Variants in RYR3 observed in about 807,000 individuals in gnomAD.
RYR3 encodes ryanodine receptor 3.
In RYR3, 207 loss-of-function variants were observed where a neutral mutation model predicts 584.3. The ratio of observed to expected loss-of-function variants is 0.35; its 90% confidence interval spans 0.32 to 0.40. The LOEUF is 0.40. RYR3 is among the 10% of genes least tolerant of loss of function. RYR3 has a pLI of 1.00. For missense variants in RYR3, 5,616 were observed against 6,089.2 expected (o/e 0.92, Z 2.59); for synonymous variants, 2,416 against 2,248.5 (o/e 1.07, Z -2.11).
At chr15:33,792,565 C>T (rs764175437) in intron 67 of RYR3, among the ~76,000 whole-genome samples, 1 of 152,152 alleles carries the variant, frequency 6.6e-6, no homozygotes, top group Non-Finnish European at 1.5e-5. Context: ...TTGAAAGTCT[C>T]TAATGTCATA....
At chr15:33,509,811 C>T (rs992811393) in intron 3 of RYR3, among the ~76,000 whole-genome samples, 1 of 152,136 alleles carries the variant, frequency 6.6e-6, no homozygotes, top group African/African-American at 2.4e-5. Context: ...CTCAGGACCT[C>T]CCCACCCCAG....
intron 1 of RYR3, among the ~76,000 whole-genome samples, chr15:33,452,258 A>C (rs1284395386): frequency 6.6e-6 from 1 of 152,248 alleles, no homozygotes; most frequent in African/African-American, 2.4e-5. Context: ...TCATTGCAGG[A>C]CAGAAACAAG....
At chr15:33,627,028 G>T (rs528930901) in intron 20 of RYR3, among the ~76,000 whole-genome samples, 2 of 152,222 alleles carry the variant, frequency 1.3e-5, no homozygotes, top group South Asian at 4.2e-4. Context: ...TGAGAAGAGG[G>T]CCACCATCCT....
rs1385931948 is a variant in RYR3 at position 33,737,363 on chromosome 15, TC to T, written c.7515+1040del. Among the ~76,000 whole-genome samples the T allele has an allele frequency of 2.0e-5, 3 of 152,292 alleles. No homozygotes were observed. The East Asian group carries it at 5.8e-4, about 29-fold the overall frequency. On this transcript the variant is annotated intron_variant, in intron 49 of 103. Transcript: ENST00000634891. Reference sequence around the variant, plus strand: ...GGTGGGAGGACACCAGAATCAGTCATCCACCCAAGCAGACAGTGTTTTTTAC... The same window carrying T: ...GGTGGGAGGACACCAGAATCAGTCATCACCCAAGCAGACAGTGTTTTTTAC...
intron 1 of RYR3, among the ~76,000 whole-genome samples, chr15:33,338,623 T>C (rs1418699869): frequency 6.6e-6 from 1 of 152,196 alleles, no homozygotes; most frequent in Non-Finnish European, 1.5e-5. Context: ...TAGCTTTTCA[T>C]CTTGTAGCCA....
chr15:33,544,695 A>G (rs1458786496), intron 8 of RYR3, among the ~76,000 whole-genome samples: 1 of 152,104 alleles, frequency 6.6e-6, no homozygotes, highest in East Asian at 1.9e-4. Context: ...CCCATTGGCA[A>G]TGTGTATCCC....
At chr15:33,365,903 C>G (rs1297786953) in intron 1 of RYR3, among the ~76,000 whole-genome samples, 2 of 152,136 alleles carry the variant, frequency 1.3e-5, no homozygotes, top group Non-Finnish European at 1.5e-5. Context: ...AAAGTTATCT[C>G]AGAGTAGTTT....
chr15:33,804,690 T>G (rs2076090848), intron 69 of RYR3, among the ~76,000 whole-genome samples: 1 of 152,248 alleles, frequency 6.6e-6, no homozygotes. Context: ...AACTACATAC[T>G]GAGGGGTTAG....
In RYR3 at chr15:33,748,258, C is replaced by G. The variant is rs1933408860; in HGVS notation, c.8134C>G (p.Gln2712Glu). ...GCTTCGAAGTGTGTCCCAGGCCAAC[C>G]AGGTATGACACCACACCCAGAGGCC... Reference protein sequence around the residue: ...EKLRSVSQANQGNSYSPAPLD... With the variant: ...EKLRSVSQANEGNSYSPAPLD... Residue 2712 changes from glutamine (Q) to glutamate (E), a missense_variant and splice_region_variant, in exon 54 of 104, where the codon CAG becomes GAG. By Grantham distance (29) the Gln-to-Glu change is conservative. Around this residue, in one of 9 missense-constraint regions of RYR3, gnomAD observed 1,280 missense variants for 1,426.2 expected, o/e 0.90. Transcript: ENST00000634891. 6.2e-7 allele frequency: 1 copy of G among 1,613,602 alleles called. No homozygotes were observed. The highest frequency in any genetic ancestry group is 8.5e-7 in the Non-Finnish European group (1 of 1,179,776).
At chr15:33,699,465 T>G (rs1036545364) in intron 40 of RYR3, among the ~76,000 whole-genome samples, 1 of 152,126 alleles carries the variant, frequency 6.6e-6, no homozygotes, top group Non-Finnish European at 1.5e-5. Flanking sequence ...TAGAAGGTCA[T>G]GCAATTTCAC....
chr15:33,347,689 C>T (rs150846886), intron 1 of RYR3, among the ~76,000 whole-genome samples: 23 of 152,192 alleles, frequency 1.5e-4, no homozygotes, highest in East Asian at 1.2e-3. Flanking sequence ...CCTCGTGATC[C>T]GCCCGCCTCA....
intron 1 of RYR3, among the ~76,000 whole-genome samples, chr15:33,392,921 T>C (rs2042090452): frequency 6.6e-6 from 1 of 152,222 alleles, no homozygotes; most frequent in Non-Finnish European, 1.5e-5. Context: ...AAGTATGTTT[T>C]AGGAAGCCTA....
chr15:33,757,574 A>G lies in RYR3; in HGVS notation c.8683A>G (p.Lys2895Glu). 1.2e-6 allele frequency: 2 copies of G among 1,611,052 alleles called. No individual in the cohort carries two copies. Among genetic ancestry groups the G allele is most frequent in the Non-Finnish European group, 1.7e-6 (2 of 1,178,896 alleles). Residue 2895 changes from lysine to glutamate, a missense_variant, in exon 60 of 104, where the codon AAG becomes GAG. Coordinates refer to ENST00000634891, the MANE Select transcript of RYR3 (RefSeq NM_001036.6). Reference sequence around the variant, plus strand: ...TAGCAGCAGCGGATATGCCTCCCATAAGGAGAAAGAAATGGTGGCCGGGTG... The same window carrying G: ...TAGCAGCAGCGGATATGCCTCCCATGAGGAGAAAGAAATGGTGGCCGGGTG... The part of the protein sequence containing the change: ...PLSSSGYASH[K>E]EKEMVAGLFC...
chr15:33,477,313 G>C (rs138966550), intron 2 of RYR3, among the ~76,000 whole-genome samples: 1 of 152,044 alleles, frequency 6.6e-6, no homozygotes, highest in Non-Finnish European at 1.5e-5. Flanking sequence ...TGTGTGACCC[G>C]GAGAAAAGGA....
intron 49 of RYR3, among the ~76,000 whole-genome samples, chr15:33,736,878 A>G (rs538427516): frequency 6.6e-6 from 1 of 152,062 alleles, no homozygotes; most frequent in African/African-American, 2.4e-5. Flanking sequence ...CCTCCTGAGT[A>G]GCTGGGACTA....
chr15:33,761,578 C>A (rs889110447), intron 60 of RYR3, among the ~76,000 whole-genome samples: 2 of 152,108 alleles, frequency 1.3e-5, no homozygotes. Flanking sequence ...CCTGAATAGA[C>A]CAATAACAAG....
At chr15:33,548,240 A>C in intron 9 of RYR3, 36 bp downstream of exon 9, 1 of 1,371,708 alleles carries the variant, frequency 7.3e-7, no homozygotes, top group South Asian at 1.2e-5. Flanking sequence ...TTTCAAGATT[A>C]CTTTCTTTTT....
At position 33,748,452 on chromosome 15, in the gene RYR3, GC is replaced by G; in HGVS notation, c.8137-14del. ...AAAATAATGGCAACCCAGTGACTCT[GC>G]CTTTGCTTTCCTAGGGCAACAGCTA... On this transcript the variant is annotated splice_polypyrimidine_tract_variant and intron_variant, in intron 54 of 103. Transcript: ENST00000634891. The G allele has an allele frequency of 3.1e-6, 5 of 1,612,248 alleles. No homozygotes were observed. Among genetic ancestry groups the G allele is most frequent in the Non-Finnish European group, 4.2e-6 (5 of 1,178,998 alleles).
At chr15:33,487,481 T>C (rs1348248791) in intron 2 of RYR3, among the ~76,000 whole-genome samples, 1 of 152,174 alleles carries the variant, frequency 6.6e-6, no homozygotes, top group Admixed American at 6.5e-5. Flanking sequence ...TGCTGGATAG[T>C]CGTTTTGTTT....
Sources: allele counts gnomAD v4.1 joint callset (sites outside exome capture counted in the v4.1 genomes callset), GRCh38; gene constraint gnomAD v4.1.1; regional missense constraint gnomAD v4.1.1; transcripts MANE v1.5; gene names NCBI Gene and HGNC (gene_info 2026-07-23, HGNC 2026-07-21).